Variants in ELMO1 observed in about 807,000 individuals in gnomAD.
ELMO1 encodes engulfment and cell motility protein 1.
ELMO1 carries 26 observed loss-of-function variants against 98.9 expected under a neutral mutation model. That is an observed-to-expected ratio of 0.26 (90% CI 0.19 to 0.36). The LOEUF (loss-of-function observed/expected upper bound fraction) is 0.36. Ranked by LOEUF, ELMO1 falls within the 10% of genes least tolerant of loss-of-function variation. The pLI is 1.00. For synonymous variants in ELMO1, 346 were observed against 346.0 expected (o/e 1.00, Z 0.00); for missense variants, 627 against 935.2 (o/e 0.67, Z 4.30).
intron 13 of ELMO1, among the ~76,000 whole-genome samples, chr7:37,205,410 T>G (rs965410939): frequency 2.0e-5 from 3 of 152,246 alleles, no homozygotes; most frequent in African/African-American, 7.2e-5. Context: ...TGTTGTTGAT[T>G]TGTTAACAAT....
At chr7:37,322,622 C>T (rs1316795708) in intron 2 of ELMO1, among the ~76,000 whole-genome samples, 1 of 128,802 alleles carries the variant, frequency 7.8e-6, no homozygotes, top group Non-Finnish European at 1.7e-5. Context: ...ACTCTCTCTC[C>T]AAAAAAAAAA....
chr7:37,285,211 G>C (rs1169717501), intron 4 of ELMO1, among the ~76,000 whole-genome samples: 1 of 152,178 alleles, frequency 6.6e-6, no homozygotes, highest in East Asian at 1.9e-4. Flanking sequence ...TTGGTCTTTA[G>C]TTCCTCAACT....
intron 16 of ELMO1, among the ~76,000 whole-genome samples, chr7:36,899,766 A>G (rs184340227): frequency 6.2e-5 from 9 of 144,192 alleles, no homozygotes; most frequent in African/African-American, 2.3e-4. Context: ...ATAATGCCCC[A>G]CATCCTTTAT....
chr7:37,349,151 G>C (rs532457614), intron 1 of ELMO1, among the ~76,000 whole-genome samples: 7 of 152,292 alleles, frequency 4.6e-5, no homozygotes, highest in Non-Finnish European at 7.3e-5. Flanking sequence ...CTGGAGAAAC[G>C]ATCTGCTTCC....
chr7:37,053,885 A>T (rs1796254597), intron 15 of ELMO1, among the ~76,000 whole-genome samples: 1 of 152,238 alleles, frequency 6.6e-6, no homozygotes, highest in East Asian at 1.9e-4. Flanking sequence ...CAAATTAAAC[A>T]AATCTTGATA....
At chr7:36,983,838 T>C (rs990749247) in intron 16 of ELMO1, among the ~76,000 whole-genome samples, 1 of 152,190 alleles carries the variant, frequency 6.6e-6, no homozygotes, top group Non-Finnish European at 1.5e-5. Flanking sequence ...AAATGCCTGA[T>C]TATCAAAGTG....
intron 4 of ELMO1, among the ~76,000 whole-genome samples, chr7:37,283,698 C>T (rs1398101443): frequency 6.6e-6 from 1 of 152,234 alleles, no homozygotes; most frequent in Admixed American, 6.5e-5. Flanking sequence ...GGCCTCAAGC[C>T]TCCTGCGTCC....
At chr7:37,251,779 G>C (rs919262184) in intron 6 of ELMO1, among the ~76,000 whole-genome samples, 3 of 152,224 alleles carry the variant, frequency 2.0e-5, no homozygotes, top group Admixed American at 2.0e-4. Flanking sequence ...TAGGAAGACA[G>C]TAAGTCAAAT....
At chr7:36,862,596 C>G (rs767100751) in intron 20 of ELMO1, among the ~76,000 whole-genome samples, 1 of 152,184 alleles carries the variant, frequency 6.6e-6, no homozygotes, top group African/African-American at 2.4e-5. Flanking sequence ...GTGGTCTGAG[C>G]GGTCAGCAGA....
At chr7:37,254,302 A>G (rs1239245207) in intron 6 of ELMO1, among the ~76,000 whole-genome samples, 1 of 152,244 alleles carries the variant, frequency 6.6e-6, no homozygotes, top group Non-Finnish European at 1.5e-5. Flanking sequence ...CAAATGCAAA[A>G]GAGAATTCAC....
At chr7:36,867,803 T>TG (rs1803149739) in intron 20 of ELMO1, among the ~76,000 whole-genome samples, 1 of 152,202 alleles carries the variant, frequency 6.6e-6, no homozygotes, top group Non-Finnish European at 1.5e-5. Flanking sequence ...TCCAAACATT[T>TG]GGGGGATTTT....
chr7:37,174,978 TA>T (rs1380950764), intron 13 of ELMO1, among the ~76,000 whole-genome samples: 2 of 150,672 alleles, frequency 1.3e-5, no homozygotes, highest in Non-Finnish European at 3.0e-5. Context: ...ATTTTCTCAA[TA>T]AAAGAGGAAA....
In ELMO1 at chr7:36,986,782, C is replaced by T. The variant is rs3823770; in HGVS notation, c.1437+26517G>A. 3.9e-5 allele frequency among the ~76,000 whole-genome samples: 6 copies of T among 152,292 alleles called. No homozygotes were observed. In the East Asian group the frequency reaches 1.2e-3, roughly 29 times the overall value. On this transcript the variant is annotated intron_variant, in intron 16 of 21. Coordinates refer to ENST00000310758, the MANE Select transcript of ELMO1 (RefSeq NM_014800.11). ...TTGCCATGTACACACAAGGCATGCA[C>T]ACCAGGGGTGCTCACATACTCAGGA...
chr7:37,000,938 T>TACACACACACACAC (rs145766627), intron 16 of ELMO1, among the ~76,000 whole-genome samples: 4,445 of 147,436 alleles, frequency 0.03, 78 homozygotes, highest in Middle Eastern at 0.062. Flanking sequence ...TATATGTGTA[T>TACACACACACACAC]ACACACACAC....
chr7:37,268,335 T>G (rs1244552634), intron 5 of ELMO1, among the ~76,000 whole-genome samples: 1 of 152,188 alleles, frequency 6.6e-6, no homozygotes, highest in African/African-American at 2.4e-5. Context: ...AGGCTCTCGC[T>G]CTGTCGCCCA....
At position 37,342,268 on chromosome 7, in the gene ELMO1, G is replaced by A. The variant is rs973534456; in HGVS notation, c.78+345C>T. Among the ~76,000 whole-genome samples the A allele has an allele frequency of 1.3e-5, 2 of 152,198 alleles. No individual in the cohort carries two copies. The highest frequency in any genetic ancestry group is 1.3e-4 in the Admixed American group (2 of 15,270). On this transcript the variant is annotated intron_variant, in intron 2 of 21. Transcript: ENST00000310758. This position sits in a 1 kb window ranked among gnomAD's most constrained non-coding sequence, Gnocchi z 4.3. The stretch of plus-strand genomic sequence containing the variant: ...AAAAATTAAGTTTTGTCTTGCCTGT[G>A]TTCCAACAATCTGCACATATCCATG...
chr7:37,252,062 C>T (rs1333341292), intron 6 of ELMO1, among the ~76,000 whole-genome samples: 1 of 152,162 alleles, frequency 6.6e-6, no homozygotes, highest in East Asian at 1.9e-4. Context: ...CTACAAACTA[C>T]TGCTCAAGGA....
chr7:37,391,040 CT>C (rs1431655234), intron 1 of ELMO1, among the ~76,000 whole-genome samples: 2 of 150,600 alleles, frequency 1.3e-5, no homozygotes, highest in African/African-American at 2.4e-5. Flanking sequence ...TCCTTCCTTC[CT>C]TCCTTCCTTC....
intron 16 of ELMO1, among the ~76,000 whole-genome samples, chr7:36,932,723 T>G (rs1272244336): frequency 6.6e-6 from 1 of 152,118 alleles, no homozygotes; most frequent in South Asian, 2.1e-4. Flanking sequence ...GCCTCTAATA[T>G]CCATTAGACT....
Sources: gnomAD v4.1 joint callset for allele counts (sites outside exome capture counted in the v4.1 genomes callset) on GRCh38, gnomAD v4.1.1 for gene constraint, Gnocchi (gnomAD v3.1) non-coding constraint, MANE v1.5 for transcripts, NCBI Gene and HGNC (gene_info 2026-07-23, HGNC 2026-07-21) for gene names.